NUP155: variants seen among roughly 807,000 people sequenced by gnomAD.
The protein encoded by NUP155 is nuclear pore complex protein Nup155.
NUP155 carries 71 observed loss-of-function variants against 180.4 expected under a neutral mutation model. The observed-to-expected ratio is 0.39, with a 90% confidence interval of 0.33 to 0.48. The LOEUF is 0.48. NUP155 is among the 20% of genes least tolerant of loss of function. The pLI is 0.91. For synonymous variants in NUP155, 582 were observed against 559.5 expected (o/e 1.04, Z -0.57); for missense variants, 1,553 against 1,648.9 (o/e 0.94, Z 1.01).
intron 19 of NUP155, among the ~76,000 whole-genome samples, chr5:37,324,445 C>T (rs926653379): frequency 6.6e-6 from 1 of 152,104 alleles, no homozygotes; most frequent in Non-Finnish European, 1.5e-5. Context: ...TCTGAGGTAA[C>T]TACTTTTCTT....
At chr5:37,338,547 C>T (rs893498140) in intron 11 of NUP155, among the ~76,000 whole-genome samples, 2 of 151,450 alleles carry the variant, frequency 1.3e-5, no homozygotes, top group African/African-American at 2.4e-5. Context: ...GCTGGGACTA[C>T]GGCACCTGCC....
Position 37,303,368 on chromosome 5 carries a change from A to C in NUP155, c.3209T>G (p.Val1070Gly), listed in dbSNP as rs745436269. ...LEPHLVRMAK[V>G]DQNRVRYMDL... ...CATATAACGAACTCTGTTTTGATCA[A>C]CTTTGGCCATTCGGACTAGATGTGG... The change falls in exon 28 of 35, where the codon GTT (valine) becomes GGT (glycine). Residue 1070 changes from valine to glycine, a missense_variant. By Grantham distance (109) the Val-to-Gly change is moderately radical (BLOSUM62 -3). Transcript: ENST00000231498. The C allele has an allele frequency of 4.3e-6, 7 of 1,614,124 alleles. No individual in the cohort carries two copies. The South Asian group carries it at 7.7e-5, about 18-fold the overall frequency.
rs1482508697 is a variant in NUP155, at chr5:37,292,037, T to C, written c.4039A>G (p.Arg1347Gly). 1.9e-6 allele frequency: 3 copies of C among 1,614,030 alleles called. No individual in the cohort carries two copies. The highest frequency in any genetic ancestry group is 2.5e-6 in the Non-Finnish European group (3 of 1,179,932). Residue 1347 changes from arginine (R) to glycine (G), a missense_variant and splice_region_variant, in exon 35 of 35, where the codon AGA becomes GGA. Transcript: ENST00000231498. ...NPSQVLNCER[R>G]RFTNLCLDAV... ...TCCAGGCAGAGATTTGTAAATCTTC[T>C]CCTACAACGAAAAAGACACATGATT...
In NUP155 at chr5:37,304,778, A is replaced by G; in HGVS notation, c.3123T>C (p.Asn1041=). The G allele has an allele frequency of 6.2e-7, 1 of 1,613,924 alleles. No individual in the cohort carries two copies. The highest frequency in any genetic ancestry group is 8.5e-7 in the Non-Finnish European group (1 of 1,179,826). Residue 1041 remains asparagine (N), a synonymous_variant, in exon 27 of 35, where the codon AAT becomes AAC. Coordinates refer to ENST00000231498, the MANE Select transcript of NUP155 (RefSeq NM_153485.3). The part of the protein sequence containing the change: ...KDELFSIALY[N]WLIQVDLADK... ...CTGCAAGGTCGACTTGTATTAGCCA[A>G]TTATAAAGGGCAATACTAAAGAGCT... is the stretch of plus-strand genomic sequence containing the variant.
chr5:37,347,458 G>A (rs1460907672), intron 9 of NUP155, among the ~76,000 whole-genome samples: 1 of 152,014 alleles, frequency 6.6e-6, no homozygotes, highest in African/African-American at 2.4e-5. Context: ...CACTTTGGGA[G>A]GCCAAGGCAG....
In NUP155 at chr5:37,342,699, TA is replaced by T. The variant is rs138301160; in HGVS notation, c.996-54del. ...TTTTTAAAATGTGTCTGCTAAATTATAAGAAATATTTCCCATCAGAATGTTT... is the reference window on the plus strand; with the variant it reads ...TTTTTAAAATGTGTCTGCTAAATTATAGAAATATTTCCCATCAGAATGTTT... On this transcript the variant is annotated intron_variant, in intron 9 of 34. Transcript: ENST00000231498. The T allele has an allele frequency of 6.5e-3, 7,375 of 1,126,352 alleles. 360 individuals carry two copies. The African/African-American group carries it at 0.1, about 15-fold the overall frequency. 69.8% of individuals were successfully genotyped at this position (1,126,352 alleles called of 1,614,324 possible). A position where few individuals can be genotyped will look rare whatever the true frequency, so the allele number is the denominator to read the frequency against.
intron 7 of NUP155, among the ~76,000 whole-genome samples, chr5:37,349,891 C>A (rs994382794): frequency 1.3e-5 from 2 of 152,162 alleles, no homozygotes; most frequent in Non-Finnish European, 2.9e-5. Context: ...CACATACATA[C>A]ACATATTTTG....
Position 37,370,766 on chromosome 5 carries a change from T to C in NUP155, c.157+55A>G, listed in dbSNP as rs1479486871. ...CCAACGCTGGGGATAAGTAGCAAAT[T>C]AGGAAGTCAGGCGAGAGTCCTTTAG... On this transcript the variant is annotated intron_variant, in intron 1 of 34. Coordinates refer to ENST00000231498, the MANE Select transcript of NUP155 (RefSeq NM_153485.3). 3.1e-6 allele frequency: 5 copies of C among 1,613,570 alleles called. No individual in the cohort carries two copies. The South Asian group carries it at 3.3e-5, about 11-fold the overall frequency.
At chr5:37,312,089 A>C (rs1743566777) in intron 22 of NUP155, among the ~76,000 whole-genome samples, 1 of 152,176 alleles carries the variant, frequency 6.6e-6, no homozygotes, top group Non-Finnish European at 1.5e-5. Flanking sequence ...TGAAATAATA[A>C]ATTCCAGCAA....
chr5:37,311,663 ATT>A (rs113486759), intron 22 of NUP155, among the ~76,000 whole-genome samples: 12 of 142,972 alleles, frequency 8.4e-5, no homozygotes, highest in Non-Finnish European at 7.7e-5. Flanking sequence ...AGGAAAAAGA[ATT>A]TTTTTTTTTT....
At chr5:37,327,209 A>C (rs1581165389) in intron 18 of NUP155, 2 of 273,888 alleles carry the variant, frequency 7.3e-6, no homozygotes, top group Admixed American at 1.0e-4. Flanking sequence ...CTCCTACACC[A>C]TGCAAAAGTT....
intron 34 of NUP155, 57 bp downstream of exon 34, chr5:37,292,822 G>T: frequency 9.2e-7 from 1 of 1,085,752 alleles, no homozygotes; most frequent in Non-Finnish European, 1.4e-6. Context: ...TTTTACCCAG[G>T]TATTTATTAG....
In NUP155 at chr5:37,295,002, A is replaced by AT. The variant is rs990814598; in HGVS notation, c.3794-538dup. On this transcript the variant is annotated intron_variant, in intron 32 of 34. Transcript: ENST00000231498. ...AATATTGAAGAGGACTTCACTGATA[A>AT]TTTTTTTTAGTAACAGTATTTAAAA... Among the ~76,000 whole-genome samples, 24 of 152,060 alleles carry AT rather than the reference A, an allele frequency of 1.6e-4. No individual in the cohort carries two copies. The East Asian group carries it at 3.3e-3, about 21-fold the overall frequency.
At position 37,309,145 on chromosome 5, in the gene NUP155, A is replaced by G; in HGVS notation, c.2751T>C (p.Cys917=). 1 of 1,613,588 alleles carries G rather than the reference A, an allele frequency of 6.2e-7. No homozygotes were observed. The highest frequency in any genetic ancestry group is 8.5e-7 in the Non-Finnish European group (1 of 1,179,832). Residue 917 remains cysteine (C), a synonymous_variant, in exon 24 of 35, where the codon TGT becomes TGC. Transcript: ENST00000231498. ...ATTTCTCACCTTGTCTATACTGAGC[A>G]CAAACATTGGAAAGGTCCACTTGAT... ...ISNQVDLSNV[C]AQYRQVRFYE... is the part of the protein sequence containing the mutation.
intron 22 of NUP155, among the ~76,000 whole-genome samples, chr5:37,311,421 T>A (rs371634079): frequency 6.6e-6 from 1 of 152,094 alleles, no homozygotes; most frequent in African/African-American, 2.4e-5. Flanking sequence ...AAACTCAAAA[T>A]TATTATTCTA....
chr5:37,313,371 C>A (rs1352681919), intron 22 of NUP155, among the ~76,000 whole-genome samples: 5 of 151,170 alleles, frequency 3.3e-5, no homozygotes, highest in Non-Finnish European at 5.9e-5. Flanking sequence ...GTGGAGGTTG[C>A]AGCGAGCCGA....
chr5:37,303,329 C>G lies in NUP155; in HGVS notation c.3248G>C (p.Arg1083Pro), dbSNP rs554780026. The G allele has an allele frequency of 6.2e-7, 1 of 1,614,056 alleles. No homozygotes were observed. The highest frequency in any genetic ancestry group is 1.1e-5 in the South Asian group (1 of 91,078). The change falls in exon 28 of 35, where the codon CGG (arginine) becomes CCG (proline). Residue 1083 changes from arginine to proline, a missense_variant. Transcript: ENST00000231498. The part of the protein sequence containing the change: ...NRVRYMDLLW[R>P]YYEKNRSFSN... ...GAAACTTCTGTTCTTCTCGTAATAC[C>G]GCCAGAGTAAATCCATATAACGAAC...
intron 25 of NUP155, 71 bp from the exon 26 acceptor site, chr5:37,305,281 C>A: frequency 7.2e-7 from 1 of 1,382,834 alleles, no homozygotes; most frequent in South Asian, 1.2e-5. Flanking sequence ...TGTGGTGACT[C>A]ACGCCTGTAA....
Position 37,314,268 on chromosome 5 carries a change from T to C in NUP155, c.2366A>G (p.Tyr789Cys), listed in dbSNP as rs769372512. ...QAIQQLVRKS[Y>C]QALALWKLLC... The stretch of plus-strand genomic sequence containing the variant: ...AAGTTTCCATAAAGCCAGAGCCTGA[T>C]ATGATTTTCGAACCAACTGCTGAAT... Residue 789 changes from tyrosine to cysteine, a missense_variant, in exon 22 of 35, where the codon TAT becomes TGT. Transcript: ENST00000231498. 1.9e-5 allele frequency: 30 copies of C among 1,610,474 alleles called. No homozygotes were observed. Among genetic ancestry groups the C allele is most frequent in the Non-Finnish European group, 2.5e-5 (30 of 1,176,914 alleles).
Sources: gnomAD v4.1 joint callset for allele counts (sites outside exome capture counted in the v4.1 genomes callset) on GRCh38, gnomAD v4.1.1 for gene constraint, MANE v1.5 for transcripts, NCBI Gene and HGNC (gene_info 2026-07-23, HGNC 2026-07-21) for gene names.